Variants in ZDHHC15 observed in about 807,000 individuals in gnomAD.
ZDHHC15 encodes the protein palmitoyltransferase ZDHHC15.
Under a neutral mutation model 31.7 loss-of-function variants are expected in ZDHHC15, and 19 were observed. That is an observed-to-expected ratio of 0.60 (90% CI 0.42 to 0.88). The LOEUF is 0.88. ZDHHC15 is among the 40% of genes least tolerant of loss of function. The pLI is 0.00. For missense variants in ZDHHC15, 209 were observed against 251.2 expected (o/e 0.83, Z 1.14); for synonymous variants, 103 against 90.0 (o/e 1.14, Z -0.82).
chrX:75,413,809 C>T (rs193242722), intron 10 of ZDHHC15, among the ~76,000 whole-genome samples: 2 of 109,770 alleles, frequency 1.8e-5, no homozygotes, highest in Non-Finnish European at 3.8e-5. Flanking sequence ...AAGATTACTC[C>T]CAGCCCCCGA....
Position 75,424,789 on chromosome X carries a change from A to C in ZDHHC15, c.604-5T>G. 8.5e-7 allele frequency: 1 copy of C among 1,180,529 alleles called. No individual in the cohort carries two copies. The highest frequency in any genetic ancestry group is 1.1e-6 in the Non-Finnish European group (1 of 882,250). On this transcript the variant is annotated splice_polypyrimidine_tract_variant and splice_region_variant and intron_variant, in intron 7 of 11. Coordinates refer to ENST00000373367, the MANE Select transcript of ZDHHC15 (RefSeq NM_144969.3). ...GCGAACACTGGGTAATTCCCCCTAG[A>C]AAAGAAATAATAAACAAGCAAAAGA...
At position 75,516,597 on chromosome X, in the gene ZDHHC15, A is replaced by G. The variant is rs1305998969; in HGVS notation, c.136+6292T>C. On this transcript the variant is annotated intron_variant, in intron 1 of 11. Transcript: ENST00000373367. ...TACAAAAATTAATTCAAGATGGATT[A>G]AAGACTTAAATGTTAGACCTAAAAC... 2.6e-4 allele frequency among the ~76,000 whole-genome samples: 29 copies of G among 112,472 alleles called. No individual in the cohort carries two copies. In the Admixed American group the frequency reaches 2.6e-3, roughly 10 times the overall value.
At chrX:75,517,597 G>T (rs1272413204) in intron 1 of ZDHHC15, among the ~76,000 whole-genome samples, 2 of 72,567 alleles carry the variant, frequency 2.8e-5, no homozygotes, top group Non-Finnish European at 5.0e-5. Flanking sequence ...TGGGGTGGGG[G>T]GAGGGGGGAG....
At chrX:75,407,099 C>T (rs993541239) in intron 10 of ZDHHC15, among the ~76,000 whole-genome samples, 17 of 112,507 alleles carry the variant, frequency 1.5e-4, no homozygotes, top group African/African-American at 4.8e-4. Context: ...TCTGCCCAGC[C>T]GCTACCCCGT....
At chrX:75,452,102 C>A (rs1281489514) in intron 3 of ZDHHC15, among the ~76,000 whole-genome samples, 1 of 109,010 alleles carries the variant, frequency 9.2e-6, no homozygotes, top group Non-Finnish European at 1.9e-5. Flanking sequence ...GATGAAGAGT[C>A]AAGACCCATC....
At chrX:75,454,431 TC>T (rs1569338128) in intron 3 of ZDHHC15, among the ~76,000 whole-genome samples, 1 of 112,011 alleles carries the variant, frequency 8.9e-6, no homozygotes, top group African/African-American at 3.2e-5. Context: ...TGATTTATAA[TC>T]CTTTGGGTAT....
At chrX:75,501,482 T>C (rs971969668) in intron 2 of ZDHHC15, 5 of 111,416 alleles carry the variant, frequency 4.5e-5, no homozygotes, top group Non-Finnish European at 9.4e-5. Context: ...AGTAATGGGA[T>C]TGCTGGGTCG....
Position 75,421,854 on chromosome X carries a change from A to G in ZDHHC15, c.863+10T>C. ...AGTACTAACTTCTTCCAGTGGTAATATTTACTCACCTGGAACCAATAGGTA... is the reference window on the plus strand; with the variant it reads ...AGTACTAACTTCTTCCAGTGGTAATGTTTACTCACCTGGAACCAATAGGTA... On this transcript the variant is annotated intron_variant, in intron 9 of 11. Coordinates refer to ENST00000373367, the MANE Select transcript of ZDHHC15 (RefSeq NM_144969.3). 8.3e-7 allele frequency: 1 copy of G among 1,206,821 alleles called. No homozygotes were observed. The highest frequency in any genetic ancestry group is 1.1e-6 in the Non-Finnish European group (1 of 893,473).
chrX:75,483,048 TATATACAC>T (rs1311280015), intron 2 of ZDHHC15, among the ~76,000 whole-genome samples: 1 of 99,592 alleles, frequency 1.0e-5, no homozygotes, highest in Non-Finnish European at 1.9e-5. Context: ...CATATATACA[TATATACAC>T]ATATGTGTAT....
rs1031517286 is a variant in ZDHHC15, at chrX:75,458,794, G to T, written c.259-7872C>A. On this transcript the variant is annotated intron_variant, in intron 3 of 11. Transcript: ENST00000373367. Reference sequence around the variant, plus strand: ...CCAACCAAAGGTCAATAGGTGGTATGGGAGGGGCCTAGATGGCTGATTAGA... The same window carrying T: ...CCAACCAAAGGTCAATAGGTGGTATTGGAGGGGCCTAGATGGCTGATTAGA... Among the ~76,000 whole-genome samples the T allele has an allele frequency of 4.6e-5, 5 of 109,503 alleles. No homozygotes were observed. In the Admixed American group the frequency reaches 4.9e-4, roughly 11 times the overall value.
chrX:75,490,507 G>GT (rs1175375434), intron 2 of ZDHHC15, among the ~76,000 whole-genome samples: 25 of 111,599 alleles, frequency 2.2e-4, no homozygotes, highest in Non-Finnish European at 4.5e-4. Context: ...CTTTAAAGTA[G>GT]TTTTTTCCAA....
chrX:75,407,612 C>A (rs755557802), intron 10 of ZDHHC15, among the ~76,000 whole-genome samples: 1 of 110,183 alleles, frequency 9.1e-6, no homozygotes, highest in Non-Finnish European at 1.9e-5. Context: ...CCCCACCCAG[C>A]AGCCGCCCCG....
chrX:75,433,685 GTGTGTGTGTGTGTATATATATA>G (rs1410622326), intron 4 of ZDHHC15, among the ~76,000 whole-genome samples: 846 of 11,541 alleles, frequency 0.073, 10 homozygotes, highest in Middle Eastern at 0.17. Context: ...GTGTGTGTGT[GTGTGTGTGTGTGTATATATATA>G]TATATATATA....
chrX:75,379,959 A>G (rs866167882), intron 10 of ZDHHC15, among the ~76,000 whole-genome samples: 2 of 13,082 alleles, frequency 1.5e-4, no homozygotes, highest in African/African-American at 1.9e-4. Flanking sequence ...CCACTGAGTT[A>G]AACAGGCAGA....
intron 2 of ZDHHC15, among the ~76,000 whole-genome samples, chrX:75,485,297 C>CA (rs935276023): frequency 2.9e-4 from 32 of 109,388 alleles, no homozygotes; most frequent in African/African-American, 8.6e-4. Context: ...TGACATTTGG[C>CA]AAAAAAAAGA....
chrX:75,488,967 G>A (rs184557806), intron 2 of ZDHHC15, among the ~76,000 whole-genome samples: 23 of 111,800 alleles, frequency 2.1e-4, no homozygotes, highest in East Asian at 1.4e-3. Context: ...CGCCTGGTTC[G>A]GAGGATCCTA....
At chrX:75,422,449 A>G (rs1258210974) in intron 8 of ZDHHC15, among the ~76,000 whole-genome samples, 1 of 112,219 alleles carries the variant, frequency 8.9e-6, no homozygotes, top group Non-Finnish European at 1.9e-5. Context: ...GAAACATTTC[A>G]AAAATGAAAG....
intron 1 of ZDHHC15, among the ~76,000 whole-genome samples, chrX:75,520,486 T>C (rs1019820858): frequency 1.7e-4 from 19 of 111,876 alleles, no homozygotes; most frequent in African/African-American, 5.8e-4. Context: ...GAGTAAGCAA[T>C]ACATAAGTGT....
chrX:75,388,120 T>C (rs1472213496), intron 10 of ZDHHC15, among the ~76,000 whole-genome samples: 1 of 111,987 alleles, frequency 8.9e-6, no homozygotes, highest in Non-Finnish European at 1.9e-5. Context: ...AAAGCAGAGA[T>C]AAAGTCTTTC....
Sources: allele counts gnomAD v4.1 joint callset (sites outside exome capture counted in the v4.1 genomes callset), GRCh38; gene constraint gnomAD v4.1.1; transcripts MANE v1.5; gene names NCBI Gene and HGNC (gene_info 2026-07-23, HGNC 2026-07-21).